The following FGD5 variants were observed in gnomAD, a reference collection of about 807,000 sequenced individuals.
FGD5 encodes the protein FYVE, RhoGEF and PH domain containing 5.
FGD5 carries 28 observed loss-of-function variants against 133.4 expected under a neutral mutation model. The ratio of observed to expected loss-of-function variants is 0.21; its 90% CI spans 0.16 to 0.29. The LOEUF (loss-of-function observed/expected upper bound fraction) is 0.29. FGD5 is among the 10% of genes least tolerant of loss of function. FGD5 has a pLI of 1.00. For synonymous variants in FGD5, 810 were observed against 776.5 expected (o/e 1.04, Z -0.72); for missense variants, 1,858 against 1,895.2 (o/e 0.98, Z 0.36).
At chr3:14,907,437 A>G (rs1285214819) in intron 9 of FGD5, among the ~76,000 whole-genome samples, 1 of 152,202 alleles carries the variant, frequency 6.6e-6, no homozygotes, top group African/African-American at 2.4e-5. Context: ...AGCCGGCTCC[A>G]CAGCACATAG....
intron 2 of FGD5, among the ~76,000 whole-genome samples, chr3:14,876,887 T>C (rs1045923996): frequency 2.6e-5 from 4 of 152,202 alleles, no homozygotes; most frequent in Admixed American, 2.0e-4. Context: ...TGACCCGCTG[T>C]CTAACACTGA....
Position 14,897,118 on chromosome 3 carries a change from C to T in FGD5, c.2749-391C>T, listed in dbSNP as rs185389296. On this transcript the variant is annotated intron_variant, in intron 4 of 19. Transcript: ENST00000285046. The stretch of plus-strand genomic sequence containing the variant: ...TAGACTTCGTTTTGAAACAACATAG[C>T]TCATGAACCTCTTCAAAGATGAATA... 1.1e-3 allele frequency: 216 copies of T among 198,302 alleles called. 1 individual carries two copies. The highest frequency in any genetic ancestry group is 3.0e-3 in the Admixed American group (49 of 16,312). 12.3% of individuals were successfully genotyped at this position (198,302 alleles called of 1,614,324 possible). A position where few individuals can be genotyped will look rare whatever the true frequency, so the allele number is the denominator to read the frequency against.
At chr3:14,847,194 G>C (rs1325850002) in intron 1 of FGD5, among the ~76,000 whole-genome samples, 2 of 152,146 alleles carry the variant, frequency 1.3e-5, no homozygotes. Flanking sequence ...TGGAAATGCC[G>C]ACCCCCACCC....
chr3:14,840,202 T>C (rs920375978), intron 1 of FGD5, among the ~76,000 whole-genome samples: 1 of 151,804 alleles, frequency 6.6e-6, no homozygotes, highest in African/African-American at 2.4e-5. Context: ...CAGTGTGCAG[T>C]GGTGCGATCT....
rs1559508200 is a variant in FGD5, at chr3:14,923,992, C to T, written c.3938-16C>T. The stretch of plus-strand genomic sequence containing the variant: ...CGCCTCTCACCTCCCTTCCATGTGG[C>T]TTCTTTCAGTTACAGAGCGGCCTGT... On this transcript the variant is annotated splice_polypyrimidine_tract_variant and intron_variant, in intron 16 of 19. Coordinates refer to ENST00000285046, the MANE Select transcript of FGD5 (RefSeq NM_152536.4). 1 of 1,613,822 alleles carries T rather than the reference C, an allele frequency of 6.2e-7. No homozygotes were observed. Among genetic ancestry groups the T allele is most frequent in the East Asian group, 2.2e-5 (1 of 44,878 alleles).
At chr3:14,849,936 G>A (rs547673976) in intron 1 of FGD5, among the ~76,000 whole-genome samples, 54 of 152,160 alleles carry the variant, frequency 3.5e-4, no homozygotes, top group Non-Finnish European at 5.0e-4. Context: ...TGGAAGGGAG[G>A]GGTGGGAGAA....
intron 9 of FGD5, among the ~76,000 whole-genome samples, chr3:14,903,796 G>T (rs1048086478): frequency 2.6e-5 from 4 of 152,114 alleles, no homozygotes; most frequent in African/African-American, 9.7e-5. Flanking sequence ...AGCTCATTCA[G>T]ATTTCCTTAG....
At chr3:14,932,867 G>C (rs1218402206) in intron 19 of FGD5, 136 bp downstream of exon 19, 2 of 1,050,508 alleles carry the variant, frequency 1.9e-6, no homozygotes, top group Non-Finnish European at 2.8e-6. Context: ...CAGAACTGCA[G>C]AACTACCTGT....
chr3:14,881,574 G>A (rs1268276064), intron 4 of FGD5, among the ~76,000 whole-genome samples: 2 of 152,328 alleles, frequency 1.3e-5, no homozygotes, highest in East Asian at 1.9e-4. Context: ...GCAAAGACTC[G>A]GGAAGTAGGG....
intron 4 of FGD5, among the ~76,000 whole-genome samples, chr3:14,882,959 C>T (rs934414395): frequency 1.3e-5 from 2 of 152,158 alleles, no homozygotes; most frequent in Admixed American, 1.3e-4. Flanking sequence ...TTGGTGCTGT[C>T]GAGATCCCAA....
intron 2 of FGD5, among the ~76,000 whole-genome samples, chr3:14,870,901 T>C (rs1288312796): frequency 5.3e-5 from 8 of 152,218 alleles, no homozygotes; most frequent in Admixed American, 5.2e-4. Flanking sequence ...TGACGTGTCA[T>C]CTTCTTATTG....
At chr3:14,817,727 A>T (rs1003658708), upstream of FGD5, among the ~76,000 whole-genome samples, 1 of 152,162 alleles carries the variant, frequency 6.6e-6, no homozygotes, top group Non-Finnish European at 1.5e-5. Context: ...TTTTGAGGCC[A>T]CTTGTGTCAT....
At chr3:14,903,978 G>A (rs201367977) in intron 9 of FGD5, among the ~76,000 whole-genome samples, 6 of 152,252 alleles carry the variant, frequency 3.9e-5, no homozygotes, top group South Asian at 2.1e-4. Context: ...CCCTTCTGGT[G>A]GAAATGTCTG....
chr3:14,865,239 A>G (rs937303083), intron 2 of FGD5, among the ~76,000 whole-genome samples: 2 of 149,690 alleles, frequency 1.3e-5, no homozygotes, highest in African/African-American at 2.5e-5. Flanking sequence ...CCTGCCTCCC[A>G]CTCTCCATCA....
intron 11 of FGD5, among the ~76,000 whole-genome samples, chr3:14,912,032 G>C (rs192834832): frequency 5.7e-4 from 87 of 152,104 alleles, no homozygotes; most frequent in African/African-American, 2.0e-3. Context: ...GAGGCATGAG[G>C]AGTGTGGTGT....
chr3:14,866,815 A>C (rs990534671), intron 2 of FGD5, among the ~76,000 whole-genome samples: 1 of 152,166 alleles, frequency 6.6e-6, no homozygotes, highest in Non-Finnish European at 1.5e-5. Flanking sequence ...CCTGCCATGG[A>C]CAGGGGTCCT....
chr3:14,866,640 G>T (rs529283977), intron 2 of FGD5, among the ~76,000 whole-genome samples: 25 of 152,268 alleles, frequency 1.6e-4, no homozygotes, highest in African/African-American at 5.5e-4. Context: ...TAGTTACGAA[G>T]GTAAATAAGT....
At chr3:14,892,287 G>A (rs887306906) in intron 4 of FGD5, among the ~76,000 whole-genome samples, 7 of 151,152 alleles carry the variant, frequency 4.6e-5, no homozygotes, top group African/African-American at 1.5e-4. Context: ...CTGCAGTCTC[G>A]ACCTCCCAGA....
chr3:14,894,984 A>G (rs2038105356), intron 4 of FGD5, among the ~76,000 whole-genome samples: 1 of 152,206 alleles, frequency 6.6e-6, no homozygotes, highest in African/African-American at 2.4e-5. Context: ...TCATATACCT[A>G]TTGACCATTT....
Sources: allele counts gnomAD v4.1 joint callset (sites outside exome capture counted in the v4.1 genomes callset), GRCh38; gene constraint gnomAD v4.1.1; transcripts MANE v1.5; gene names NCBI Gene and HGNC (gene_info 2026-07-23, HGNC 2026-07-21).